LMBRD1: variants seen among roughly 807,000 people sequenced by gnomAD.
The protein encoded by LMBRD1 is lysosomal cobalamin transport escort protein LMBD1.
Under a neutral mutation model 74.8 loss-of-function variants are expected in LMBRD1, and 64 were observed. The ratio of observed to expected loss-of-function variants is 0.86; its 90% CI spans 0.70 to 1.05. The LOEUF is 1.05. Ranked by LOEUF, LMBRD1 falls within the 50% of genes least tolerant of loss-of-function variation. LMBRD1 has a pLI of 0.00. For missense variants in LMBRD1, 652 were observed against 645.9 expected, an observed-to-expected ratio of 1.01 and a Z score of -0.10; for synonymous variants, 204 against 216.3, an observed-to-expected ratio of 0.94 and a Z score of 0.50.
intron 7 of LMBRD1, among the ~76,000 whole-genome samples, chr6:69,719,980 G>A (rs1766578889): frequency 6.6e-6 from 1 of 152,122 alleles, no homozygotes; most frequent in African/African-American, 2.4e-5. Flanking sequence ...AAAATACCCT[G>A]GGTGATCCTG....
chr6:69,793,724 T>C (rs965050047), intron 1 of LMBRD1, among the ~76,000 whole-genome samples: 6 of 147,168 alleles, frequency 4.1e-5, no homozygotes, highest in African/African-American at 7.6e-5. Context: ...GAATCTTTTT[T>C]TTTTTTTTTT....
rs186610459 is a variant in LMBRD1, at chr6:69,696,746, C to T, written c.1417+817G>A. On this transcript the variant is annotated intron_variant, in intron 14 of 15. Transcript: ENST00000649934. ...GTCTTCCTCTGGCCTATCCCTGTAC[C>T]TTATACTTGTTCCTAATACTCTATT... 1.9e-3 allele frequency among the ~76,000 whole-genome samples: 286 copies of T among 152,156 alleles called. 1 individual carries two copies. Among genetic ancestry groups the T allele is most frequent in the Middle Eastern group, 0.017 (5 of 294 alleles).
chr6:69,778,642 C>G (rs1765756242), intron 3 of LMBRD1, among the ~76,000 whole-genome samples: 1 of 152,092 alleles, frequency 6.6e-6, no homozygotes, highest in Admixed American at 6.5e-5. Context: ...CAGACCTCCC[C>G]CCCTAAAACT....
chr6:69,736,618 T>C (rs1236756201), intron 7 of LMBRD1, among the ~76,000 whole-genome samples: 4 of 152,206 alleles, frequency 2.6e-5, no homozygotes, highest in African/African-American at 7.2e-5. Context: ...TCCTGACTTA[T>C]GTTTCATTGA....
chr6:69,780,531 G>A lies in LMBRD1; in HGVS notation c.270C>T (p.Ser90=). 1 of 1,608,752 alleles carries A rather than the reference G, an allele frequency of 6.2e-7. No individual in the cohort carries two copies. The highest frequency in any genetic ancestry group is 8.5e-7 in the Non-Finnish European group (1 of 1,175,392). The change falls in exon 3 of 16, where the codon AGC becomes AGT. Residue 90 remains serine (S), a synonymous_variant. Coordinates refer to ENST00000649934, the MANE Select transcript of LMBRD1 (RefSeq NM_018368.4). ...ATAATACAGTGTCCTCAATCTGTCT[G>A]CTGACATTAGCATTAGCCCAGTCCT... ...TFKDWANANV[S]RQIEDTVLYG...
chr6:69,780,610 T>C, intron 2 of LMBRD1, 56 bp from the exon 3 acceptor site: 3 of 1,362,904 alleles, frequency 2.2e-6, no homozygotes, highest in Non-Finnish European at 2.1e-6. Context: ...GCCTAACAAT[T>C]AAAAGTCAAG....
intron 14 of LMBRD1, among the ~76,000 whole-genome samples, chr6:69,696,981 C>T (rs1213813574): frequency 6.7e-6 from 1 of 148,582 alleles, no homozygotes; most frequent in African/African-American, 2.5e-5. Context: ...AATAAGAATA[C>T]TATAACATTC....
intron 8 of LMBRD1, among the ~76,000 whole-genome samples, chr6:69,716,934 C>T (rs1766504685): frequency 6.6e-6 from 1 of 151,206 alleles, no homozygotes; most frequent in African/African-American, 2.4e-5. Flanking sequence ...TATGTACAGG[C>T]ACATGTCACA....
At chr6:69,724,371 C>G (rs1205329482) in intron 7 of LMBRD1, among the ~76,000 whole-genome samples, 1 of 130,214 alleles carries the variant, frequency 7.7e-6, no homozygotes, top group Non-Finnish European at 1.7e-5. Flanking sequence ...AAAAACACTA[C>G]AGGCCAATAT....
intron 6 of LMBRD1, among the ~76,000 whole-genome samples, chr6:69,739,586 C>T (rs965567178): frequency 5.3e-5 from 8 of 152,068 alleles, no homozygotes; most frequent in African/African-American, 1.7e-4. Context: ...AATCAGAATT[C>T]TACTTACAAT....
chr6:69,767,770 AAT>A lies in LMBRD1; in HGVS notation c.307+12722_307+12723del, dbSNP rs1765500783. Among the ~76,000 whole-genome samples, 3 of 152,028 alleles carry A rather than the reference AAT, an allele frequency of 2.0e-5. No homozygotes were observed. The South Asian group carries it at 6.2e-4, about 32-fold the overall frequency. On this transcript the variant is annotated intron_variant, in intron 3 of 15. Transcript: ENST00000649934. The stretch of plus-strand genomic sequence containing the variant: ...TTTTCTAACTGTTCTATCAGAAAAC[AAT>A]TATTTCCTAACCAGTAAAGAGTTGG...
intron 3 of LMBRD1, among the ~76,000 whole-genome samples, chr6:69,779,862 T>C (rs137875267): frequency 6.6e-6 from 1 of 152,230 alleles, no homozygotes; most frequent in Non-Finnish European, 1.5e-5. Context: ...GAAATTATTG[T>C]AGGCAGATAG....
At position 69,774,357 on chromosome 6, in the gene LMBRD1, G is replaced by T. The variant is rs546282233; in HGVS notation, c.307+6137C>A. ...TTATAAATTACCCAGTCTTGGGTAT[G>T]TCTTTATCAGCAGTGGGAGAACAGG... On this transcript the variant is annotated intron_variant, in intron 3 of 15. Coordinates refer to ENST00000649934, the MANE Select transcript of LMBRD1 (RefSeq NM_018368.4). Among the ~76,000 whole-genome samples, 3 of 152,176 alleles carry T rather than the reference G, an allele frequency of 2.0e-5. No homozygotes were observed. The East Asian group carries it at 5.8e-4, about 29-fold the overall frequency.
chr6:69,724,107 G>A (rs1396882401), intron 7 of LMBRD1, among the ~76,000 whole-genome samples: 2 of 151,826 alleles, frequency 1.3e-5, no homozygotes, highest in Admixed American at 1.3e-4. Flanking sequence ...CTTGAACCAT[G>A]AAGAAATCCA....
chr6:69,795,969 G>A (rs946754737), intron 1 of LMBRD1, among the ~76,000 whole-genome samples: 1 of 152,068 alleles, frequency 6.6e-6, no homozygotes, highest in Non-Finnish European at 1.5e-5. Flanking sequence ...CTACAGCCTC[G>A]GACGATGAGA....
intron 14 of LMBRD1, among the ~76,000 whole-genome samples, chr6:69,685,340 A>C (rs181979184): frequency 6.6e-6 from 1 of 152,328 alleles, no homozygotes; most frequent in Non-Finnish European, 1.5e-5. Context: ...GTAAGCGTTA[A>C]ATAGTAGTAG....
At chr6:69,733,468 T>A (rs1392596670) in intron 7 of LMBRD1, among the ~76,000 whole-genome samples, 1 of 152,196 alleles carries the variant, frequency 6.6e-6, no homozygotes, top group Non-Finnish European at 1.5e-5. Flanking sequence ...GAATTTTTAC[T>A]AAAATTTCGG....
intron 5 of LMBRD1, among the ~76,000 whole-genome samples, chr6:69,742,776 A>G (rs1767131557): frequency 6.6e-6 from 1 of 152,154 alleles, no homozygotes; most frequent in Admixed American, 6.5e-5. Flanking sequence ...TTCATGTAAA[A>G]CAAAGTAATT....
chr6:69,705,368 G>T (rs1766229958), intron 9 of LMBRD1: 2 of 838,160 alleles, frequency 2.4e-6, no homozygotes, highest in East Asian at 4.8e-5. Context: ...TATAATTGAT[G>T]AACTTGGCTT....
Sources: gnomAD v4.1 joint callset for allele counts (sites outside exome capture counted in the v4.1 genomes callset) on GRCh38, gnomAD v4.1.1 for gene constraint, MANE v1.5 for transcripts, NCBI Gene and HGNC (gene_info 2026-07-23, HGNC 2026-07-21) for gene names.